NAV1: variants seen among roughly 807,000 people sequenced by gnomAD.
NAV1 encodes pore membrane and/or filament interacting like protein 3.
In NAV1, 18 loss-of-function variants were observed where a neutral mutation model predicts 175.2. The ratio of observed to expected loss-of-function variants is 0.10; its 90% CI spans 0.07 to 0.15. The LOEUF (loss-of-function observed/expected upper bound fraction) is 0.15. NAV1 is among the 10% of genes least tolerant of loss of function. The pLI, the probability that NAV1 is intolerant of heterozygous loss-of-function variation, is 1.00. For missense variants in NAV1, 1,731 were observed against 2,436.6 expected, an observed-to-expected ratio of 0.71 and a Z score of 6.10; for synonymous variants, 897 against 978.7, an observed-to-expected ratio of 0.92 and a Z score of 1.56.
At chr1:201,687,835 G>A (rs924973261) in intron 1 of NAV1, among the ~76,000 whole-genome samples, 16 of 152,144 alleles carry the variant, frequency 1.1e-4, no homozygotes, top group Non-Finnish European at 1.5e-4. Flanking sequence ...ATCTGAGGGC[G>A]GGCAAGTTTC....
At chr1:201,704,628 T>TA (rs1404045971) in intron 1 of NAV1, among the ~76,000 whole-genome samples, 1 of 152,230 alleles carries the variant, frequency 6.6e-6, no homozygotes, top group African/African-American at 2.4e-5. Flanking sequence ...GGACATCCAA[T>TA]ACTGGTGGTA....
rs3053753 is a variant in NAV1 at position 201,708,440 on chromosome 1, GCACA to G, written c.758-4356_758-4353del. On this transcript the variant is annotated intron_variant, in intron 1 of 29. Coordinates refer to ENST00000367296, the Ensembl canonical transcript of NAV1. Reference sequence around the variant, plus strand: ...TTCCCCCCTCAAACCCTACTTGCGCGCACACACACACACACACACACACATACAC... The same window carrying G: ...TTCCCCCCTCAAACCCTACTTGCGCGCACACACACACACACACACATACAC... 3.3e-3 allele frequency among the ~76,000 whole-genome samples: 495 copies of G among 148,282 alleles called. 4 individuals are homozygous for G. The highest frequency in any genetic ancestry group is 5.3e-3 in the Non-Finnish European group (357 of 67,094).
At chr1:201,665,228 T>C (rs537169521) in intron 1 of NAV1, among the ~76,000 whole-genome samples, 23 of 150,772 alleles carry the variant, frequency 1.5e-4, no homozygotes, top group Non-Finnish European at 2.5e-4. Flanking sequence ...AATCCTCCAG[T>C]TGGGCTCCTC....
intron 2 of NAV1, among the ~76,000 whole-genome samples, chr1:201,600,052 A>G (rs1667474927): frequency 6.6e-6 from 1 of 152,220 alleles, no homozygotes; most frequent in African/African-American, 2.4e-5. Flanking sequence ...AAGGGTCTTA[A>G]GCAAAGCGGC....
At chr1:201,620,410 G>T (rs1215855125), upstream of NAV1, among the ~76,000 whole-genome samples, 3 of 146,382 alleles carry the variant, frequency 2.0e-5, no homozygotes, top group African/African-American at 5.1e-5. Flanking sequence ...TACATTTTTA[G>T]ATTTGGCATT....
chr1:201,696,269 C>T (rs1671187149), intron 1 of NAV1, among the ~76,000 whole-genome samples: 1 of 152,282 alleles, frequency 6.6e-6, no homozygotes, highest in Non-Finnish European at 1.5e-5. Flanking sequence ...GCAGCTGGTT[C>T]CCAGGCTCCT....
At chr1:201,583,769 A>G (rs1158828039) in intron 1 of NAV1, among the ~76,000 whole-genome samples, 1 of 152,210 alleles carries the variant, frequency 6.6e-6, no homozygotes, top group Non-Finnish European at 1.5e-5. Flanking sequence ...CATGGCCAAT[A>G]GTGCTTCCAC....
chr1:201,566,096 G>A lies in NAV1; in HGVS notation c.-143-22443G>A, dbSNP rs573819607. On this transcript the variant is annotated intron_variant, in intron 1 of 33. Coordinates refer to the NAV1 transcript ENST00000685211. ...CCAGACTCCTTCCTGTGGGCTCCAGGGGCCTCCCCCACACTCTGCCCCATC... is the reference window on the plus strand; with the variant it reads ...CCAGACTCCTTCCTGTGGGCTCCAGAGGCCTCCCCCACACTCTGCCCCATC... Among the ~76,000 whole-genome samples the A allele has an allele frequency of 3.9e-5, 6 of 152,234 alleles. No individual in the cohort carries two copies. The South Asian group carries it at 1.2e-3, about 32-fold the overall frequency.
intron 3 of NAV1, among the ~76,000 whole-genome samples, chr1:201,728,599 C>CAAAAAAAAAA (rs1278753255): frequency 1.0e-4 from 6 of 58,568 alleles, no homozygotes; most frequent in Non-Finnish European, 2.3e-4. Context: ...CATCGCAAAA[C>CAAAAAAAAAA]AAAAAAAAAA....
At chr1:201,676,694 T>A (rs182076668) in intron 1 of NAV1, among the ~76,000 whole-genome samples, 1 of 152,316 alleles carries the variant, frequency 6.6e-6, no homozygotes, top group East Asian at 1.9e-4. Flanking sequence ...GCCCAAGCCC[T>A]TTCTGGCCCT....
chr1:201,740,187 A>C lies in NAV1; in HGVS notation c.1226+21432A>C. The C allele has an allele frequency of 1.1e-6, 1 of 890,060 alleles. No homozygotes were observed. The highest frequency in any genetic ancestry group is 1.6e-6 in the Non-Finnish European group (1 of 612,734). The allele number at this position is 890,060 out of a possible 1,614,324, so 55.1% of individuals were successfully genotyped here. ...CCAGTTCCGCCGCAGCTGCAGTCTCAGGGGCAGTGGGTGTGGGGTCCGCAA... is the reference window on the plus strand; with the variant it reads ...CCAGTTCCGCCGCAGCTGCAGTCTCCGGGGCAGTGGGTGTGGGGTCCGCAA... On this transcript the variant is annotated intron_variant, in intron 3 of 29. Coordinates refer to ENST00000367296, the Ensembl canonical transcript of NAV1. The surrounding 1 kb of genome is among the most constrained non-coding windows in gnomAD (Gnocchi z 4.7).
At chr1:201,648,476 C>A (rs1321459147) in exon 1 of NAV1, 6 of 1,209,794 alleles carry the variant, frequency 5.0e-6, no homozygotes, top group Non-Finnish European at 5.1e-6. Context: ...GCGTTTCTTT[C>A]CCCTGCGCCC....
Position 201,648,515 on chromosome 1 carries a change from C to CTCTCTCCCCCT in NAV1, c.-144_-134dup, listed in dbSNP as rs1291298752. The CTCTCTCCCCCT allele has an allele frequency of 6.5e-6, 8 of 1,240,122 alleles. No homozygotes were observed. The African/African-American group carries it at 1.1e-4, about 17-fold the overall frequency. The allele number at this position is 1,240,122 out of a possible 1,614,324, so 76.8% of individuals were successfully genotyped here. On this transcript the variant is annotated 5_prime_UTR_variant, in exon 1 of 30. Transcript: ENST00000367296. ...GCTTGCCTCTCTCCCTCCTCCCTCGCTCTCTCCCCCTTCTCTCCCCTTCTT... is the reference window on the plus strand; with the variant it reads ...GCTTGCCTCTCTCCCTCCTCCCTCGCTCTCTCCCCCTTCTCTCCCCCTTCTCTCCCCTTCTT...
At chr1:201,648,789 G>C (rs1276476952) in exon 1 of NAV1, 1 of 1,510,742 alleles carries the variant, frequency 6.6e-7, no homozygotes, top group Non-Finnish European at 8.8e-7. Context: ...GGACGGCAGA[G>C]GCATGCTGCC....
chr1:201,810,400 A>T lies in NAV1; in HGVS notation c.4562-123A>T. 1 of 954,478 alleles carries T rather than the reference A, an allele frequency of 1.0e-6. No homozygotes were observed. The highest frequency in any genetic ancestry group is 1.6e-6 in the Non-Finnish European group (1 of 643,710). The allele number at this position is 954,478 out of a possible 1,614,324, so 59.1% of individuals were successfully genotyped here. ...GGGGTTAAGGGACTCTTATGGAACC[A>T]TGGGGCAAGTGGCTCTGAGTTTCTT... is the stretch of plus-strand genomic sequence containing the variant. On this transcript the variant is annotated intron_variant, in intron 23 of 29. Transcript: ENST00000367296. This position sits in a 1 kb window ranked among gnomAD's most constrained non-coding sequence, Gnocchi z 6.0.
Position 201,587,766 on chromosome 1 carries a change from G to A in NAV1, c.-143-773G>A, listed in dbSNP as rs145916327. On this transcript the variant is annotated intron_variant, in intron 1 of 33. Transcript: ENST00000685211. ...TAAAAGTAGGCAAAATATTTGAATA[G>A]ATATTTATCCAAAGACAATACACAA... Among the ~76,000 whole-genome samples, 355 of 152,200 alleles carry A rather than the reference G, an allele frequency of 2.3e-3. 2 individuals are homozygous for A. Among genetic ancestry groups the A allele is most frequent in the African/African-American group, 8.2e-3 (342 of 41,546 alleles).
At chr1:201,763,083 C>A (rs893364736) in intron 3 of NAV1, among the ~76,000 whole-genome samples, 1 of 152,194 alleles carries the variant, frequency 6.6e-6, no homozygotes, top group African/African-American at 2.4e-5. Context: ...AAAATAAGGT[C>A]ACTCACATCA....
At chr1:201,642,413 G>T (rs1668797742) in intron 2 of NAV1, among the ~76,000 whole-genome samples, 1 of 151,714 alleles carries the variant, frequency 6.6e-6, no homozygotes, top group African/African-American at 2.4e-5. Flanking sequence ...TTTTAGTACA[G>T]ACGGGGTTTC....
chr1:201,583,563 CAG>C (rs1237715117), intron 1 of NAV1, among the ~76,000 whole-genome samples: 1 of 152,208 alleles, frequency 6.6e-6, no homozygotes, highest in Non-Finnish European at 1.5e-5. Flanking sequence ...GGCTCTGGGA[CAG>C]AGGGTGGCAC....
Sources: allele counts gnomAD v4.1 joint callset (sites outside exome capture counted in the v4.1 genomes callset), GRCh38; gene constraint gnomAD v4.1.1; non-coding constraint Gnocchi (gnomAD v3.1); transcripts MANE v1.5; gene names NCBI Gene and HGNC (gene_info 2026-07-23, HGNC 2026-07-21).